Variants in FSTL5 observed in about 807,000 individuals in gnomAD.
The protein encoded by FSTL5 is follistatin-related protein 5.
In FSTL5, 62 loss-of-function variants were observed where a neutral mutation model predicts 89.1. That is an observed-to-expected ratio of 0.70 (90% CI 0.57 to 0.86). The LOEUF (loss-of-function observed/expected upper bound fraction) is 0.86. Among genes scored for constraint, FSTL5 ranks in the 40% least tolerant of loss-of-function variants. FSTL5 has a pLI of 0.00. For synonymous variants in FSTL5, 383 were observed against 346.2 expected (o/e 1.11, Z -1.18); for missense variants, 1,057 against 1,001.6 (o/e 1.06, Z -0.75).
At chr4:162,037,658 A>G (rs952085744) in intron 2 of FSTL5, among the ~76,000 whole-genome samples, 4 of 151,908 alleles carry the variant, frequency 2.6e-5, no homozygotes, top group African/African-American at 9.7e-5. Context: ...CTGTCTAAAT[A>G]TTCTATAAAC....
chr4:161,838,506 G>A lies in FSTL5; in HGVS notation c.410-62432C>T, dbSNP rs187276108. 5.7e-3 allele frequency among the ~76,000 whole-genome samples: 867 copies of A among 152,044 alleles called. 7 individuals carry two copies. The highest frequency in any genetic ancestry group is 0.02 in the African/African-American group (841 of 41,470). ...TCACCGTGTTAGCCAGGATGGTCTC[G>A]ATCTCCTGACCTCGTGATCCGCCTA... On this transcript the variant is annotated intron_variant, in intron 4 of 15. Transcript: ENST00000306100.
In FSTL5 at chr4:161,920,053, G is replaced by C. The variant is rs1189806203; in HGVS notation, c.409+351C>G. Among the ~76,000 whole-genome samples, 2 of 152,148 alleles carry C rather than the reference G, an allele frequency of 1.3e-5. 1 individual carries two copies. ...TCACAGCATGGCTTGGCACTCACTA[G>C]TCCCTCAATTCCACTCCAGGTGCTT... On this transcript the variant is annotated intron_variant, in intron 4 of 15. Coordinates refer to ENST00000306100, the MANE Select transcript of FSTL5 (RefSeq NM_020116.5).
intron 4 of FSTL5, among the ~76,000 whole-genome samples, chr4:161,870,560 A>C (rs1277892322): frequency 6.6e-6 from 1 of 152,142 alleles, no homozygotes; most frequent in Non-Finnish European, 1.5e-5. Context: ...ATGTTTTCCA[A>C]GTTCCAGAAT....
chr4:161,991,144 A>T (rs1445396323), intron 3 of FSTL5, among the ~76,000 whole-genome samples: 4 of 152,156 alleles, frequency 2.6e-5, no homozygotes. Context: ...AACTCAAAAT[A>T]CCATGTTTTA....
At chr4:161,771,108 G>A (rs1741193203) in intron 5 of FSTL5, among the ~76,000 whole-genome samples, 1 of 151,880 alleles carries the variant, frequency 6.6e-6, no homozygotes, top group Non-Finnish European at 1.5e-5. Context: ...GCATAAAGTT[G>A]TGCACATAGA....
chr4:161,590,487 C>T (rs887787095), intron 7 of FSTL5, among the ~76,000 whole-genome samples: 3 of 152,074 alleles, frequency 2.0e-5, no homozygotes, highest in Admixed American at 1.3e-4. Flanking sequence ...TGCAGTGAGC[C>T]GAAATCGTGC....
chr4:162,007,864 A>G (rs1736655355), intron 3 of FSTL5, among the ~76,000 whole-genome samples: 2 of 151,844 alleles, frequency 1.3e-5, no homozygotes, highest in Admixed American at 1.3e-4. Flanking sequence ...TCTATATTAC[A>G]TTATTCATAT....
At chr4:161,472,210 C>T (rs1458052392) in intron 13 of FSTL5, among the ~76,000 whole-genome samples, 6 of 152,246 alleles carry the variant, frequency 3.9e-5, no homozygotes, top group Admixed American at 2.6e-4. Context: ...ATCTCCTGAC[C>T]TCGTGATCTG....
chr4:162,084,491 C>T (rs1055031727), intron 2 of FSTL5, among the ~76,000 whole-genome samples: 2 of 151,992 alleles, frequency 1.3e-5, no homozygotes, highest in Admixed American at 6.6e-5. Flanking sequence ...TATTGCAGCA[C>T]TATTCACAAT....
chr4:161,812,215 G>C (rs1488486615), intron 4 of FSTL5, among the ~76,000 whole-genome samples: 1 of 152,106 alleles, frequency 6.6e-6, no homozygotes, highest in Non-Finnish European at 1.5e-5. Flanking sequence ...TAGTTTCTGG[G>C]ACAAATGTAT....
intron 3 of FSTL5, among the ~76,000 whole-genome samples, chr4:161,954,542 T>G (rs1734978590): frequency 1.3e-5 from 2 of 151,672 alleles, no homozygotes; most frequent in African/African-American, 4.8e-5. Flanking sequence ...GTGTGTATGT[T>G]TGTAAAATAT....
chr4:161,445,325 T>G (rs901081921), intron 15 of FSTL5, among the ~76,000 whole-genome samples: 1 of 151,876 alleles, frequency 6.6e-6, no homozygotes, highest in Non-Finnish European at 1.5e-5. Context: ...CATTTACTTC[T>G]TACTAAAATT....
chr4:161,588,761 C>T (rs1304241223), intron 7 of FSTL5, among the ~76,000 whole-genome samples: 4 of 152,150 alleles, frequency 2.6e-5, no homozygotes, highest in African/African-American at 9.7e-5. Context: ...TCCACAGCTG[C>T]ATGGTGGCCT....
intron 5 of FSTL5, among the ~76,000 whole-genome samples, chr4:161,771,187 C>T (rs1302152513): frequency 6.6e-6 from 1 of 152,000 alleles, no homozygotes; most frequent in East Asian, 1.9e-4. Context: ...GTAAGCATTA[C>T]AAAATATTTA....
chr4:162,014,847 T>C (rs1736869978), intron 3 of FSTL5, among the ~76,000 whole-genome samples: 1 of 152,106 alleles, frequency 6.6e-6, no homozygotes, highest in Non-Finnish European at 1.5e-5. Flanking sequence ...ATAAACACGT[T>C]AGTAATGGCT....
chr4:161,799,392 C>T (rs1729729752), intron 4 of FSTL5, among the ~76,000 whole-genome samples: 3 of 151,464 alleles, frequency 2.0e-5, no homozygotes, highest in African/African-American at 7.3e-5. Context: ...GGTATCAATT[C>T]AGTTTGAAGA....
At chr4:161,651,428 C>T (rs1016987978) in intron 7 of FSTL5, among the ~76,000 whole-genome samples, 8 of 151,356 alleles carry the variant, frequency 5.3e-5, no homozygotes, top group African/African-American at 1.9e-4. Context: ...AATTCCCAAT[C>T]TTTCTTGGTA....
At chr4:161,489,638 G>A (rs1729797472) in intron 12 of FSTL5, among the ~76,000 whole-genome samples, 3 of 152,050 alleles carry the variant, frequency 2.0e-5, no homozygotes, top group Admixed American at 2.0e-4. Context: ...GTGGCACACA[G>A]CACAATTAGT....
intron 4 of FSTL5, among the ~76,000 whole-genome samples, chr4:161,917,807 A>G (rs1476897205): frequency 6.6e-6 from 1 of 152,194 alleles, no homozygotes; most frequent in Non-Finnish European, 1.5e-5. Flanking sequence ...CATTGCAAGT[A>G]CTCAACTCTC....
Sources: allele counts gnomAD v4.1 joint callset (sites outside exome capture counted in the v4.1 genomes callset), GRCh38; gene constraint gnomAD v4.1.1; transcripts MANE v1.5; gene names NCBI Gene and HGNC (gene_info 2026-07-23, HGNC 2026-07-21).